Variants in TUBA1C observed in about 807,000 individuals in gnomAD.
TUBA1C encodes the protein tubulin alpha 1c.
A neutral mutation model predicts 34.9 loss-of-function variants in TUBA1C; 16 were observed. The ratio of observed to expected loss-of-function variants is 0.46; its 90% CI spans 0.31 to 0.70. The LOEUF (loss-of-function observed/expected upper bound fraction) is 0.70, where lower values mean the gene tolerates loss of function less well. Among genes scored for constraint, TUBA1C ranks in the 30% least tolerant of loss-of-function variants. The probability of loss-of-function intolerance (pLI) is 0.05; values close to 1 mark genes in which losing one functional copy is unlikely to be tolerated. For synonymous variants in TUBA1C, 177 were observed against 215.9 expected (o/e 0.82, Z 1.58); for missense variants, 329 against 587.3 (o/e 0.56, Z 4.55).
chr12:49,240,712 C>T (rs888511684), intron 1 of TUBA1C, among the ~76,000 whole-genome samples: 2 of 152,166 alleles, frequency 1.3e-5, no homozygotes, highest in South Asian at 2.1e-4. Flanking sequence ...CTCAGCCTTC[C>T]GAGTAGCTGG....
intron 1 of TUBA1C, among the ~76,000 whole-genome samples, chr12:49,231,775 C>G (rs536324859): frequency 1.3e-5 from 2 of 152,270 alleles, no homozygotes; most frequent in African/African-American, 4.8e-5. Context: ...TCTCGAACTC[C>G]TGGCCTCAAT....
rs1255603074 is a variant in TUBA1C, at chr12:49,241,361, A to C, written c.213+13195A>C. On this transcript the variant is annotated intron_variant, in intron 1 of 3. Transcript: ENST00000541364. Reference sequence around the variant, plus strand: ...ACCAGGCAAATGTTAGGTAGGATTCAACACTGAGATGGGAGGGAAAGGTGT... The same window carrying C: ...ACCAGGCAAATGTTAGGTAGGATTCCACACTGAGATGGGAGGGAAAGGTGT... 5.4e-4 allele frequency among the ~76,000 whole-genome samples: 82 copies of C among 152,130 alleles called. 1 individual carries two copies. Among genetic ancestry groups the C allele is most frequent in the Admixed American group, 5.4e-3 (82 of 15,254 alleles).
intron 1 of TUBA1C, among the ~76,000 whole-genome samples, chr12:49,231,039 T>C (rs1177079930): frequency 6.6e-6 from 1 of 152,230 alleles, no homozygotes; most frequent in African/African-American, 2.4e-5. Flanking sequence ...TTAGAAAGGT[T>C]GCACCATCTC....
intron 1 of TUBA1C, among the ~76,000 whole-genome samples, chr12:49,249,156 G>A (rs1019348914): frequency 4.1e-4 from 62 of 152,104 alleles, no homozygotes; most frequent in African/African-American, 1.5e-3. Flanking sequence ...GGCCGGGCGC[G>A]GTGGCTCATG....
At chr12:49,228,007 G>T in exon 1 of TUBA1C, 1 of 1,535,716 alleles carries the variant, frequency 6.5e-7, no homozygotes, top group Non-Finnish European at 8.7e-7. Flanking sequence ...AGTGCTTTGT[G>T]TGCTTGGAAT....
intron 1 of TUBA1C, among the ~76,000 whole-genome samples, chr12:49,251,081 C>T (rs1414545893): frequency 6.6e-6 from 1 of 151,208 alleles, no homozygotes; most frequent in Non-Finnish European, 1.5e-5. Context: ...GTGGCACATA[C>T]CTATAGACCC....
At chr12:49,242,099 C>T (rs911890334) in intron 1 of TUBA1C, among the ~76,000 whole-genome samples, 1 of 151,686 alleles carries the variant, frequency 6.6e-6, no homozygotes, top group Admixed American at 6.6e-5. Flanking sequence ...AAGTGATTCT[C>T]CTGCCTCAGC....
rs982640888 is a variant in TUBA1C, at chr12:49,227,941, G to A, written c.-13G>A. The A allele has an allele frequency of 4.4e-5, 68 of 1,535,070 alleles. 1 individual carries two copies. Among genetic ancestry groups the A allele is most frequent in the Middle Eastern group, 1.7e-4 (1 of 5,936 alleles). On this transcript the variant is annotated 5_prime_UTR_variant, in exon 1 of 4. Coordinates refer to the TUBA1C transcript ENST00000541364. ...AAGTAGAAGAAAGTGAACAATGGGCGCCCAGCTCTAAAATGACAGCCTGGT... is the reference window on the plus strand; with the variant it reads ...AAGTAGAAGAAAGTGAACAATGGGCACCCAGCTCTAAAATGACAGCCTGGT...
At chr12:49,232,304 G>A (rs1339167976) in intron 1 of TUBA1C, among the ~76,000 whole-genome samples, 2 of 152,176 alleles carry the variant, frequency 1.3e-5, no homozygotes, top group Non-Finnish European at 2.9e-5. Context: ...GTCCTTCTCA[G>A]CACAGTAAGC....
intron 3 of TUBA1C, 37 bp from the exon 4 acceptor site, chr12:49,272,215 CT>C (rs1233663277): frequency 6.4e-7 from 1 of 1,561,500 alleles, no homozygotes; most frequent in Non-Finnish European, 8.6e-7. Flanking sequence ...CTAAATGAAA[CT>C]TTCGCAACAC....
intron 1 of TUBA1C, among the ~76,000 whole-genome samples, chr12:49,257,410 C>G (rs1162456379): frequency 6.6e-6 from 1 of 151,966 alleles, no homozygotes; most frequent in Non-Finnish European, 1.5e-5. Context: ...GGATGAACAC[C>G]TAGCATGCAG....
intron 1 of TUBA1C, among the ~76,000 whole-genome samples, chr12:49,257,654 C>G (rs959835703): frequency 6.6e-6 from 1 of 151,692 alleles, no homozygotes; most frequent in Admixed American, 6.6e-5. Context: ...GTGGCGCACA[C>G]GGTAACCTCA....
intron 1 of TUBA1C, among the ~76,000 whole-genome samples, chr12:49,232,095 G>A (rs922337277): frequency 6.6e-6 from 1 of 152,136 alleles, no homozygotes; most frequent in Non-Finnish European, 1.5e-5. Flanking sequence ...GCCACCCAAC[G>A]CTTGCTTTCA....
At chr12:49,228,077 A>G (rs1251112291) in exon 1 of TUBA1C, 10 of 1,535,544 alleles carry the variant, frequency 6.5e-6, no homozygotes, top group Non-Finnish European at 7.8e-6. Flanking sequence ...CTGGATTCTT[A>G]TTTACTTCAC....
At chr12:49,237,746 AAAAG>A (rs556822509) in intron 1 of TUBA1C, among the ~76,000 whole-genome samples, 164 of 150,938 alleles carry the variant, frequency 1.1e-3, no homozygotes, top group African/African-American at 2.0e-3. Context: ...TCAAAAAAAA[AAAAG>A]AGAGAGAGAG....
intron 1 of TUBA1C, among the ~76,000 whole-genome samples, chr12:49,252,347 G>A (rs910219140): frequency 1.3e-5 from 2 of 152,014 alleles, no homozygotes; most frequent in Admixed American, 6.6e-5. Flanking sequence ...GCTTCCTTTA[G>A]TTAATAAAAC....
intron 1 of TUBA1C, chr12:49,228,193 A>G: frequency 6.5e-6 from 10 of 1,532,734 alleles, no homozygotes; most frequent in Non-Finnish European, 8.7e-6. Context: ...AATGTAATGT[A>G]AATAGCTTCA....
intron 1 of TUBA1C, among the ~76,000 whole-genome samples, chr12:49,268,789 G>T (rs1942949755): frequency 6.6e-6 from 1 of 152,138 alleles, no homozygotes; most frequent in Non-Finnish European, 1.5e-5. Context: ...GAGGGAGAGA[G>T]AAGCTTTTGT....
chr12:49,268,878 G>A (rs1220742884), intron 1 of TUBA1C, among the ~76,000 whole-genome samples: 1 of 152,170 alleles, frequency 6.6e-6, no homozygotes, highest in Non-Finnish European at 1.5e-5. Flanking sequence ...ATCAGAGCTG[G>A]AAAGGGGAAT....
Sources: allele counts gnomAD v4.1 joint callset (sites outside exome capture counted in the v4.1 genomes callset), GRCh38; gene constraint gnomAD v4.1.1; transcripts MANE v1.5; gene names NCBI Gene and HGNC (gene_info 2026-07-23, HGNC 2026-07-21).